STX18: variants seen among roughly 807,000 people sequenced by gnomAD.
STX18 encodes syntaxin-18.
Under a neutral mutation model 50.1 loss-of-function variants are expected in STX18, and 40 were observed. The observed-to-expected ratio is 0.80, with a 90% confidence interval of 0.62 to 1.04. The LOEUF (loss-of-function observed/expected upper bound fraction) is 1.04. Among genes scored for constraint, STX18 ranks in the 50% least tolerant of loss-of-function variants. The pLI is 0.00. For missense variants in STX18, 410 were observed against 415.8 expected (o/e 0.99, Z 0.12); for synonymous variants, 158 against 151.8 (o/e 1.04, Z -0.30).
chr4:4,453,536 T>C (rs1392145447), intron 5 of STX18: 2 of 224,540 alleles, frequency 8.9e-6, no homozygotes, highest in Non-Finnish European at 1.5e-5. Flanking sequence ...AGTATAAACA[T>C]AGCTTTTATA....
At chr4:4,464,336 A>T (rs1000814343) in intron 2 of STX18, among the ~76,000 whole-genome samples, 14 of 152,218 alleles carry the variant, frequency 9.2e-5, no homozygotes, top group Non-Finnish European at 1.8e-4. Flanking sequence ...AGTGTTGCTT[A>T]TAATGTTTTT....
At chr4:4,529,981 A>G (rs1478120747) in intron 1 of STX18, among the ~76,000 whole-genome samples, 1 of 152,222 alleles carries the variant, frequency 6.6e-6, no homozygotes, top group Non-Finnish European at 1.5e-5. Context: ...CCTTTACAAA[A>G]GATTTTACCA....
rs774870489 is a variant in STX18, at chr4:4,541,907, T to A, written c.58A>T (p.Asn20Tyr). The part of the protein sequence containing the change: ...RASVKTVKTR[N>Y]KALGVAVGGG... ...CCCACCGCCACTCCCAGCGCCTTGT[T>A]CCGCGTCTTCACGGTCTTGACGCTG... is the stretch of plus-strand genomic sequence containing the variant. The change falls in exon 1 of 11, where the codon AAC (asparagine) becomes TAC (tyrosine). Residue 20 changes from asparagine (N) to tyrosine (Y), a missense_variant. Physicochemically the swap from Asn to Tyr is moderately radical, Grantham distance 143 (BLOSUM62 -2). Coordinates refer to ENST00000306200, the MANE Select transcript of STX18 (RefSeq NM_016930.4). 19 of 1,610,820 alleles carry A rather than the reference T, an allele frequency of 1.2e-5. No homozygotes were observed. Among genetic ancestry groups the A allele is most frequent in the Non-Finnish European group, 1.6e-5 (19 of 1,179,040 alleles).
chr4:4,540,679 C>T (rs1369559540), intron 1 of STX18, among the ~76,000 whole-genome samples: 1 of 152,176 alleles, frequency 6.6e-6, no homozygotes, highest in Non-Finnish European at 1.5e-5. Flanking sequence ...ATTACTCTAA[C>T]ACGAGGCTGG....
At chr4:4,460,824 G>C (rs1727339348) in intron 2 of STX18, among the ~76,000 whole-genome samples, 1 of 152,106 alleles carries the variant, frequency 6.6e-6, no homozygotes, top group Non-Finnish European at 1.5e-5. Flanking sequence ...TGAGACAAAG[G>C]CGCTAAGCCA....
At chr4:4,456,154 C>T (rs1223653779) in intron 5 of STX18, among the ~76,000 whole-genome samples, 1 of 151,942 alleles carries the variant, frequency 6.6e-6, no homozygotes, top group African/African-American at 2.4e-5. Context: ...GTAGCACATG[C>T]CTGTAATCCC....
At chr4:4,434,253 T>G (rs552196331) in intron 7 of STX18, among the ~76,000 whole-genome samples, 31 of 152,192 alleles carry the variant, frequency 2.0e-4, no homozygotes, top group Non-Finnish European at 4.1e-4. Context: ...TTGCTGGACG[T>G]GAGCTGGCAG....
At chr4:4,454,804 A>G (rs1186579208) in intron 5 of STX18, among the ~76,000 whole-genome samples, 5 of 152,216 alleles carry the variant, frequency 3.3e-5, no homozygotes, top group Non-Finnish European at 7.3e-5. Context: ...CTGAGCCCCA[A>G]TATCCTAATT....
intron 7 of STX18, among the ~76,000 whole-genome samples, chr4:4,431,144 C>G (rs1013672421): frequency 2.1e-4 from 32 of 152,006 alleles, no homozygotes; most frequent in African/African-American, 7.7e-4. Context: ...GTTATTCTAG[C>G]TATTTCCTTT....
intron 1 of STX18, among the ~76,000 whole-genome samples, chr4:4,497,213 A>G (rs1047406445): frequency 2.6e-5 from 4 of 152,222 alleles, no homozygotes; most frequent in Admixed American, 6.5e-5. Context: ...GTATGGGGTC[A>G]GGATAGCTCG....
intron 5 of STX18, among the ~76,000 whole-genome samples, chr4:4,455,764 A>G (rs888578990): frequency 1.3e-5 from 2 of 152,208 alleles, no homozygotes; most frequent in Non-Finnish European, 2.9e-5. Flanking sequence ...ACGTGTTGTC[A>G]TAGGTCACAT....
At chr4:4,542,195 C>T (rs1263071919), upstream of STX18, 2 of 502,358 alleles carry the variant, frequency 4.0e-6, no homozygotes, top group East Asian at 3.6e-5. Flanking sequence ...CGCTCTCGGG[C>T]ATCGGTTTCT....
At chr4:4,438,316 A>T in intron 6 of STX18, 78 bp downstream of exon 6, 1 of 1,083,612 alleles carries the variant, frequency 9.2e-7, no homozygotes, top group Non-Finnish European at 1.4e-6. Context: ...AGACTGTGCT[A>T]CTTCGTTCCT....
intron 2 of STX18, chr4:4,461,953 A>C (rs1217817575): frequency 2.2e-6 from 1 of 456,304 alleles, no homozygotes; most frequent in Non-Finnish European, 4.4e-6. Flanking sequence ...CCTATGTTGC[A>C]AAGGGGCCTG....
At chr4:4,474,083 G>A (rs147940942) in intron 1 of STX18, among the ~76,000 whole-genome samples, 322 of 152,078 alleles carry the variant, frequency 2.1e-3, no homozygotes, top group African/African-American at 7.1e-3. Context: ...CCTTTCCCTG[G>A]AACGCCCTAC....
chr4:4,485,812 G>T (rs899915950), intron 1 of STX18, among the ~76,000 whole-genome samples: 7 of 152,086 alleles, frequency 4.6e-5, no homozygotes, highest in African/African-American at 1.7e-4. Context: ...TCCCCTATGC[G>T]CTCTCCTCCG....
At chr4:4,530,631 G>C (rs1284559202) in intron 1 of STX18, among the ~76,000 whole-genome samples, 4 of 152,030 alleles carry the variant, frequency 2.6e-5, no homozygotes, top group African/African-American at 9.7e-5. Flanking sequence ...TGCAAACTTT[G>C]TTTTGTTTTG....
At chr4:4,471,932 T>A (rs1308569005) in intron 1 of STX18, among the ~76,000 whole-genome samples, 1 of 152,234 alleles carries the variant, frequency 6.6e-6, no homozygotes, top group Non-Finnish European at 1.5e-5. Context: ...CCTATGACAC[T>A]ATGAGTAGGT....
intron 5 of STX18, among the ~76,000 whole-genome samples, chr4:4,447,762 T>C (rs1005720183): frequency 5.9e-5 from 9 of 152,200 alleles, no homozygotes; most frequent in Non-Finnish European, 1.3e-4. Flanking sequence ...CTACTGCTGC[T>C]GCTGCTATTA....
Sources: gnomAD v4.1 joint callset for allele counts (sites outside exome capture counted in the v4.1 genomes callset) on GRCh38, gnomAD v4.1.1 for gene constraint, MANE v1.5 for transcripts, NCBI Gene and HGNC (gene_info 2026-07-23, HGNC 2026-07-21) for gene names.